The following PTCHD4 variants were observed in gnomAD, a reference collection of about 807,000 sequenced individuals.
PTCHD4 encodes patched domain containing 4, also known as patched domain-containing protein 4.
Under a neutral mutation model 58.1 loss-of-function variants are expected in PTCHD4, and 33 were observed. That is an observed-to-expected ratio of 0.57 (90% CI 0.43 to 0.76). The LOEUF (loss-of-function observed/expected upper bound fraction) is 0.76, where lower values mean the gene tolerates loss of function less well. PTCHD4 is among the 30% of genes least tolerant of loss of function. The pLI is 0.00. For synonymous variants in PTCHD4, 478 were observed against 409.6 expected, an observed-to-expected ratio of 1.17 and a Z score of -2.02; for missense variants, 1,058 against 1,027.1, an observed-to-expected ratio of 1.03 and a Z score of -0.41.
At chr6:48,106,183 A>T (rs1395031542) in intron 1 of PTCHD4, among the ~76,000 whole-genome samples, 1 of 152,334 alleles carries the variant, frequency 6.6e-6, no homozygotes, top group East Asian at 1.9e-4. Context: ...CTTGATGAAC[A>T]TTGATGCAAA....
chr6:48,094,655 A>G (rs1765426501), intron 1 of PTCHD4, among the ~76,000 whole-genome samples: 2 of 152,212 alleles, frequency 1.3e-5, no homozygotes, highest in African/African-American at 2.4e-5. Context: ...AGAAGATTAT[A>G]TCTCAAAGGA....
intron 3 of PTCHD4, among the ~76,000 whole-genome samples, chr6:48,022,250 TC>T (rs1350786486): frequency 6.6e-6 from 1 of 151,652 alleles, no homozygotes; most frequent in African/African-American, 2.4e-5. Flanking sequence ...CTCTTTCCTC[TC>T]TCATCTCTCT....
At chr6:48,045,362 A>G (rs758595060) in intron 3 of PTCHD4, among the ~76,000 whole-genome samples, 9 of 151,792 alleles carry the variant, frequency 5.9e-5, no homozygotes, top group Non-Finnish European at 1.2e-4. Context: ...ATCACATTTA[A>G]AAGTGTTTGA....
At chr6:48,038,899 G>A (rs1763743785) in intron 3 of PTCHD4, among the ~76,000 whole-genome samples, 1 of 152,158 alleles carries the variant, frequency 6.6e-6, no homozygotes. Flanking sequence ...GACAACATCT[G>A]AAAAGGTTTG....
intron 3 of PTCHD4, among the ~76,000 whole-genome samples, chr6:48,066,463 A>G (rs778993362): frequency 2.0e-5 from 3 of 152,220 alleles, no homozygotes; most frequent in Non-Finnish European, 4.4e-5. Context: ...AAGTTTATAT[A>G]TGACAAAGTT....
At chr6:48,029,163 T>C (rs1254712423) in intron 3 of PTCHD4, among the ~76,000 whole-genome samples, 2 of 152,106 alleles carry the variant, frequency 1.3e-5, no homozygotes, top group Non-Finnish European at 2.9e-5. Context: ...AATTTCCTTA[T>C]CGGAAAATTC....
At chr6:48,059,081 T>C (rs1764522697) in intron 3 of PTCHD4, among the ~76,000 whole-genome samples, 1 of 152,214 alleles carries the variant, frequency 6.6e-6, no homozygotes, top group Non-Finnish European at 1.5e-5. Flanking sequence ...TAAGAATGTA[T>C]AATGAACCAG....
At chr6:48,095,828 G>C (rs9473238) in intron 1 of PTCHD4, among the ~76,000 whole-genome samples, 23,452 of 151,820 alleles carry the variant, frequency 0.15, 1,860 homozygotes, top group African/African-American at 0.2. Flanking sequence ...TGCATCAGTT[G>C]TCAGGATGCC....
Position 48,069,031 on chromosome 6 carries a change from C to T in PTCHD4, c.-74G>A, listed in dbSNP as rs114311508. ...TGGCCTCCCTCGCTGGAGGTGGTTCCGTGTGGAGCGTCCCACAGATGTGGA... is the reference window on the plus strand; with the variant it reads ...TGGCCTCCCTCGCTGGAGGTGGTTCTGTGTGGAGCGTCCCACAGATGTGGA... On this transcript the variant is annotated 5_prime_UTR_variant, in exon 2 of 5. Transcript: ENST00000339488. 6.2e-4 allele frequency among the ~76,000 whole-genome samples: 92 copies of T among 149,330 alleles called. No individual in the cohort carries two copies. The highest frequency in any genetic ancestry group is 2.2e-3 in the African/African-American group (88 of 40,630).
chr6:48,014,522 C>G (rs1335565232), intron 3 of PTCHD4, among the ~76,000 whole-genome samples: 1 of 152,092 alleles, frequency 6.6e-6, no homozygotes, highest in Non-Finnish European at 1.5e-5. Flanking sequence ...TTCCTTAGTT[C>G]ATGGCTAATT....
At position 47,859,594 on chromosome 6, in the gene PTCHD4, C is replaced by T. The variant is rs1763373127; in HGVS notation, c.*18709G>A. ...TATTTATTGAATGCCTAACATGTGC[C>T]TGGCACCCTTCAGGGTACTGGGCTT... On this transcript the variant is annotated 3_prime_UTR_variant, in exon 5 of 5. Coordinates refer to ENST00000339488, the MANE Select transcript of PTCHD4 (RefSeq NM_001384253.1). 6.6e-6 allele frequency among the ~76,000 whole-genome samples: 1 copy of T among 151,790 alleles called. No individual in the cohort carries two copies. Among genetic ancestry groups the T allele is most frequent in the Non-Finnish European group, 1.5e-5 (1 of 67,926 alleles).
intron 3 of PTCHD4, among the ~76,000 whole-genome samples, chr6:48,040,373 A>G (rs1244044560): frequency 2.6e-5 from 4 of 152,056 alleles, no homozygotes; most frequent in African/African-American, 7.2e-5. Context: ...GTGGAGCTAC[A>G]GGAAGCATAG....
intron 4 of PTCHD4, among the ~76,000 whole-genome samples, chr6:47,975,170 G>A (rs772793092): frequency 6.6e-6 from 1 of 152,078 alleles, no homozygotes; most frequent in Non-Finnish European, 1.5e-5. Context: ...GTTATAGCAC[G>A]TGCTTTGTTC....
chr6:47,925,059 C>T (rs555285770), intron 4 of PTCHD4, among the ~76,000 whole-genome samples: 10 of 149,444 alleles, frequency 6.7e-5, no homozygotes, highest in Non-Finnish European at 8.9e-5. Context: ...TACAACCAGA[C>T]ATTTTATATA....
At chr6:48,007,865 C>G (rs1226674658) in intron 4 of PTCHD4, among the ~76,000 whole-genome samples, 1 of 152,142 alleles carries the variant, frequency 6.6e-6, no homozygotes, top group Non-Finnish European at 1.5e-5. Flanking sequence ...ACACATCAGT[C>G]TTGTTGCTAA....
chr6:47,963,757 G>T (rs1335382308), intron 4 of PTCHD4, among the ~76,000 whole-genome samples: 1 of 152,164 alleles, frequency 6.6e-6, no homozygotes, highest in South Asian at 2.1e-4. Context: ...CCACTCAAGT[G>T]TGCTGATTTT....
intron 3 of PTCHD4, among the ~76,000 whole-genome samples, chr6:48,041,141 G>T (rs746273143): frequency 6.6e-6 from 1 of 152,064 alleles, no homozygotes; most frequent in Non-Finnish European, 1.5e-5. Context: ...GACAAGTTCA[G>T]TTGAGTGAGC....
intron 4 of PTCHD4, among the ~76,000 whole-genome samples, chr6:47,952,392 G>T (rs1247950547): frequency 2.0e-5 from 3 of 152,026 alleles, no homozygotes; most frequent in African/African-American, 7.2e-5. Context: ...TCCTTCAGAG[G>T]ACTTTTTATT....
chr6:48,072,260 C>T (rs530189258), intron 1 of PTCHD4, among the ~76,000 whole-genome samples: 1 of 152,244 alleles, frequency 6.6e-6, no homozygotes, highest in Admixed American at 6.5e-5. Flanking sequence ...TTCATTCATC[C>T]AGCCAGTCTT....
Sources: gnomAD v4.1 joint callset for allele counts (sites outside exome capture counted in the v4.1 genomes callset) on GRCh38, gnomAD v4.1.1 for gene constraint, MANE v1.5 for transcripts, NCBI Gene and HGNC (gene_info 2026-07-23, HGNC 2026-07-21) for gene names.